Variants in SGCG observed in about 807,000 individuals in gnomAD.
The protein encoded by SGCG is sarcoglycan gamma, also known as gamma-sarcoglycan.
Under a neutral mutation model 29.3 loss-of-function variants are expected in SGCG, and 26 were observed. The observed-to-expected ratio is 0.89, with a 90% CI of 0.65 to 1.23. SGCG has a LOEUF of 1.23. Ranked by LOEUF, SGCG falls within the 50% of genes most tolerant of loss-of-function variation. SGCG has a pLI of 0.00. For missense variants in SGCG, 353 were observed against 356.0 expected (o/e 0.99, Z 0.07); for synonymous variants, 145 against 129.7 (o/e 1.12, Z -0.80).
Position 23,325,073 on chromosome 13 carries a change from T to A in SGCG, c.*532T>A, listed in dbSNP as rs1163388070. The A allele has an allele frequency of 6.0e-6, 1 of 167,672 alleles. No homozygotes were observed. The highest frequency in any genetic ancestry group is 1.3e-5 in the Non-Finnish European group (1 of 76,182). The allele number at this position is 167,672 out of a possible 1,614,324, so 10.4% of individuals were successfully genotyped here. The stretch of plus-strand genomic sequence containing the variant: ...TTTTGAAGGGAATTTGAGGTTGATC[T>A]GGTTTTCAAGATGTAGTTAAAGGAA... On this transcript the variant is annotated 3_prime_UTR_variant, in exon 8 of 8. Coordinates refer to ENST00000218867, the MANE Select transcript of SGCG (RefSeq NM_000231.3).
intron 6 of SGCG, among the ~76,000 whole-genome samples, chr13:23,312,855 G>C (rs974328246): frequency 6.6e-6 from 1 of 151,768 alleles, no homozygotes; most frequent in Non-Finnish European, 1.5e-5. Flanking sequence ...ACATGTATTA[G>C]GTAATACTAG....
chr13:23,196,414 A>C (rs1412900180), intron 1 of SGCG, among the ~76,000 whole-genome samples: 2 of 152,092 alleles, frequency 1.3e-5, no homozygotes, highest in Non-Finnish European at 2.9e-5. Flanking sequence ...TCATCAGAGG[A>C]GCAGCATGTC....
intron 6 of SGCG, among the ~76,000 whole-genome samples, chr13:23,305,994 C>G (rs1304932786): frequency 6.6e-6 from 1 of 152,106 alleles, no homozygotes; most frequent in Non-Finnish European, 1.5e-5. Flanking sequence ...ACCTCAGCCT[C>G]CAAGTAGCTA....
intron 6 of SGCG, among the ~76,000 whole-genome samples, chr13:23,307,064 G>A (rs1882387198): frequency 6.6e-6 from 1 of 152,136 alleles, no homozygotes; most frequent in African/African-American, 2.4e-5. Flanking sequence ...TTAAGATTTA[G>A]TATTTTTTCT....
At chr13:23,259,014 T>C (rs1593202452) in intron 4 of SGCG, among the ~76,000 whole-genome samples, 1 of 152,252 alleles carries the variant, frequency 6.6e-6, no homozygotes, top group East Asian at 1.9e-4. Flanking sequence ...TTCTGTTTTG[T>C]TGTGTCTCTG....
intron 2 of SGCG, among the ~76,000 whole-genome samples, chr13:23,207,834 T>C (rs1878039216): frequency 6.6e-6 from 1 of 152,114 alleles, no homozygotes; most frequent in South Asian, 2.1e-4. Flanking sequence ...ATTGGAACCC[T>C]CGTGCACTGT....
chr13:23,188,811 G>C (rs796685178), intron 1 of SGCG, among the ~76,000 whole-genome samples: 4 of 152,274 alleles, frequency 2.6e-5, no homozygotes, highest in African/African-American at 9.6e-5. Context: ...CTCTATGTGA[G>C]ATAAATGGGA....
intron 4 of SGCG, among the ~76,000 whole-genome samples, chr13:23,262,246 AT>A (rs1482433259): frequency 6.6e-6 from 1 of 151,996 alleles, no homozygotes; most frequent in African/African-American, 2.4e-5. Context: ...CAAACCAAAT[AT>A]CTGCTGTTTT....
At chr13:23,315,676 C>T (rs1882779107) in intron 6 of SGCG, among the ~76,000 whole-genome samples, 1 of 152,192 alleles carries the variant, frequency 6.6e-6, no homozygotes, top group African/African-American at 2.4e-5. Context: ...AGTAGTGCAC[C>T]TGATTGTGCA....
At chr13:23,199,107 CA>C (rs35004017) in intron 1 of SGCG, among the ~76,000 whole-genome samples, 68,950 of 137,532 alleles carry the variant, frequency 0.5, 16,564 homozygotes, top group East Asian at 0.68. Flanking sequence ...GACTCCGTCT[CA>C]AAAAAAAAAA....
intron 2 of SGCG, among the ~76,000 whole-genome samples, chr13:23,209,830 A>G (rs2137510010): frequency 6.6e-6 from 1 of 152,306 alleles, no homozygotes; most frequent in Non-Finnish European, 1.5e-5. Context: ...AAGCATCTAT[A>G]TTGTTTAACT....
chr13:23,187,855 C>T (rs574269819), intron 1 of SGCG, among the ~76,000 whole-genome samples: 3 of 152,302 alleles, frequency 2.0e-5, no homozygotes, highest in South Asian at 2.1e-4. Context: ...CAGTAGCACT[C>T]GGAGAAGTGT....
At chr13:23,249,461 CAG>C (rs1434829551) in intron 3 of SGCG, among the ~76,000 whole-genome samples, 2 of 152,112 alleles carry the variant, frequency 1.3e-5, no homozygotes, top group South Asian at 2.1e-4. Context: ...TCTTGGGAGA[CAG>C]AGGAATTTGC....
upstream of SGCG, among the ~76,000 whole-genome samples, chr13:23,177,411 C>T (rs910309572): frequency 2.0e-5 from 3 of 152,024 alleles, no homozygotes; most frequent in African/African-American, 7.3e-5. Flanking sequence ...GATGGATATG[C>T]TAATCAGGAT....
chr13:23,215,473 T>C (rs1329333989), intron 2 of SGCG, among the ~76,000 whole-genome samples: 2 of 152,174 alleles, frequency 1.3e-5, no homozygotes, highest in Non-Finnish European at 2.9e-5. Context: ...GGTAAGGGTC[T>C]CGGTTTTAAT....
In SGCG at chr13:23,302,893, A is replaced by C. The variant is rs561493923; in HGVS notation, c.578+7406A>C. 7.9e-5 allele frequency among the ~76,000 whole-genome samples: 12 copies of C among 152,304 alleles called. 1 individual carries two copies. In the East Asian group the frequency reaches 2.3e-3, roughly 29 times the overall value. ...TCACATAAGTAAGTAGGTATGAATCAAAAAGTTTTATTTTTTAAAAAGTCA... is the reference window on the plus strand; with the variant it reads ...TCACATAAGTAAGTAGGTATGAATCCAAAAGTTTTATTTTTTAAAAAGTCA... On this transcript the variant is annotated intron_variant, in intron 6 of 7. Coordinates refer to ENST00000218867, the MANE Select transcript of SGCG (RefSeq NM_000231.3).
intron 7 of SGCG, among the ~76,000 whole-genome samples, chr13:23,322,784 C>CCCCT (rs1883099564): frequency 8.9e-6 from 1 of 112,644 alleles, no homozygotes. Flanking sequence ...CCCCCCCCCC[C>CCCCT]CCCCCGCCAA....
At chr13:23,222,145 G>A (rs74588962) in intron 2 of SGCG, among the ~76,000 whole-genome samples, 9,292 of 152,208 alleles carry the variant, frequency 0.061, 399 homozygotes, top group Middle Eastern at 0.15. Flanking sequence ...ATGAAGGGCC[G>A]TCGATTGTCT....
intron 4 of SGCG, among the ~76,000 whole-genome samples, chr13:23,257,767 C>T (rs1010169666): frequency 3.3e-5 from 5 of 152,178 alleles, no homozygotes; most frequent in Non-Finnish European, 5.9e-5. Flanking sequence ...CTACATATGG[C>T]TAGCCAGTTT....
Sources: gnomAD v4.1 joint callset for allele counts (sites outside exome capture counted in the v4.1 genomes callset) on GRCh38, gnomAD v4.1.1 for gene constraint, MANE v1.5 for transcripts, NCBI Gene and HGNC (gene_info 2026-07-23, HGNC 2026-07-21) for gene names.